USP6NL: variants seen among roughly 807,000 people sequenced by gnomAD.
The protein encoded by USP6NL is USP6 N-terminal-like protein.
Under a neutral mutation model 61.9 loss-of-function variants are expected in USP6NL, and 26 were observed. The ratio of observed to expected loss-of-function variants is 0.42; its 90% CI spans 0.31 to 0.58. The LOEUF (loss-of-function observed/expected upper bound fraction) is 0.58. Ranked by LOEUF, USP6NL falls within the 20% of genes least tolerant of loss-of-function variation. The pLI is 0.16. For missense variants in USP6NL, 1,114 were observed against 1,034.3 expected, an observed-to-expected ratio of 1.08 and a Z score of -1.06; for synonymous variants, 432 against 390.1, an observed-to-expected ratio of 1.11 and a Z score of -1.27.
Position 11,518,405 on chromosome 10 carries a change from G to A in USP6NL, c.195+130C>T, listed in dbSNP as rs1020036281. On this transcript the variant is annotated intron_variant, in intron 5 of 14. Coordinates refer to ENST00000609104, the MANE Select transcript of USP6NL (RefSeq NM_014688.5). The surrounding 1 kb of genome is among the most constrained non-coding windows in gnomAD (Gnocchi z 5.3). ...TATTATCTTACAGTGGCATAATGAG[G>A]TCCAAAATCTAACAATGACTGTACC... The A allele has an allele frequency of 2.0e-5, 16 of 803,796 alleles. No homozygotes were observed. Among genetic ancestry groups the A allele is most frequent in the Non-Finnish European group, 3.2e-5 (15 of 472,296 alleles). The allele number at this position is 803,796 out of a possible 1,614,324, so 49.8% of individuals were successfully genotyped here. A position where few individuals can be genotyped will look rare whatever the true frequency, so the allele number is the denominator to read the frequency against.
At chr10:11,588,419 T>G (rs1360692210) in intron 2 of USP6NL, among the ~76,000 whole-genome samples, 1 of 152,180 alleles carries the variant, frequency 6.6e-6, no homozygotes, top group Non-Finnish European at 1.5e-5. Context: ...GAGGTACATA[T>G]GGGAAAAGGA....
At position 11,589,966 on chromosome 10, in the gene USP6NL, G is replaced by A. The variant is rs899048965; in HGVS notation, c.4+7665C>T. On this transcript the variant is annotated intron_variant, in intron 2 of 14. Transcript: ENST00000609104. This position sits in a 1 kb window ranked among gnomAD's most constrained non-coding sequence, Gnocchi z 4.7. ...CTCTACTACCAACTGCCTGCACAAC[G>A]GCCATTATCTCTGAACATGAATAAG... Among the ~76,000 whole-genome samples the A allele has an allele frequency of 4.6e-5, 7 of 152,016 alleles. No homozygotes were observed. Among genetic ancestry groups the A allele is most frequent in the African/African-American group, 7.2e-5 (3 of 41,398 alleles).
At position 11,474,106 on chromosome 10, in the gene USP6NL, C is replaced by A. The variant is rs759614967; in HGVS notation, c.1078+7664G>T. ...CCCCAAGTTTACCTGGGAAAAAAGT[C>A]TTAATTCCTGAAGATCCAGAACTAA... On this transcript the variant is annotated intron_variant, in intron 14 of 14. Transcript: ENST00000609104. The surrounding 1 kb of genome is among the most constrained non-coding windows in gnomAD (Gnocchi z 4.9). Among the ~76,000 whole-genome samples the A allele has an allele frequency of 2.0e-5, 3 of 152,152 alleles. No individual in the cohort carries two copies. The highest frequency in any genetic ancestry group is 4.4e-5 in the Non-Finnish European group (3 of 68,020).
At chr10:11,477,076 T>C (rs761116484) in intron 14 of USP6NL, among the ~76,000 whole-genome samples, 21 of 152,264 alleles carry the variant, frequency 1.4e-4, no homozygotes, top group Non-Finnish European at 1.8e-4. Context: ...TTCATCACGT[T>C]GGCCAGCCTG....
Position 11,509,676 on chromosome 10 carries a change from C to A in USP6NL, c.196-1G>T. Reference sequence around the variant, plus strand: ...TTCTTTCAATTTCCAGGTGCTTTTGCTAAAATAAAATTGAAATTCATTGTT... The same window carrying A: ...TTCTTTCAATTTCCAGGTGCTTTTGATAAAATAAAATTGAAATTCATTGTT... On this transcript the variant is annotated splice_acceptor_variant, in intron 5 of 14. Coordinates refer to ENST00000609104, the MANE Select transcript of USP6NL (RefSeq NM_014688.5). LOFTEE classifies it high-confidence loss of function. 1 of 1,555,274 alleles carries A rather than the reference C, an allele frequency of 6.4e-7. No individual in the cohort carries two copies. The highest frequency in any genetic ancestry group is 2.0e-5 in the Admixed American group (1 of 50,888).
chr10:11,536,555 T>C (rs1353721045), intron 2 of USP6NL, among the ~76,000 whole-genome samples: 1 of 152,248 alleles, frequency 6.6e-6, no homozygotes, highest in Admixed American at 6.5e-5. Context: ...AACAGTCCCT[T>C]CTTTTTTCCT....
chr10:11,516,120 GT>G (rs1172586029), intron 5 of USP6NL, among the ~76,000 whole-genome samples: 1 of 152,110 alleles, frequency 6.6e-6, no homozygotes, highest in Non-Finnish European at 1.5e-5. Flanking sequence ...GTTTGTTTAT[GT>G]GCTTAAGTGC....
chr10:11,556,398 T>C (rs1041445206), intron 2 of USP6NL, among the ~76,000 whole-genome samples: 2 of 152,016 alleles, frequency 1.3e-5, no homozygotes, highest in African/African-American at 4.8e-5. Context: ...TGTAGAAAGA[T>C]AGAAACAGAA....
rs1194601017 is a variant in USP6NL, at chr10:11,597,409, A to G, written c.4+222T>C. Among the ~76,000 whole-genome samples the G allele has an allele frequency of 6.6e-6, 1 of 152,254 alleles. No individual in the cohort carries two copies. Among genetic ancestry groups the G allele is most frequent in the African/African-American group, 2.4e-5 (1 of 41,464 alleles). ...AACTAAATCAGCCAAAGAGCTAATG[A>G]CCAGATTTCCTCATCACATGAAACT... is the stretch of plus-strand genomic sequence containing the variant. On this transcript the variant is annotated intron_variant, in intron 2 of 14. Transcript: ENST00000609104. This position sits in a 1 kb window ranked among gnomAD's most constrained non-coding sequence, Gnocchi z 4.6.
At chr10:11,494,735 G>C (rs1428103479) in intron 7 of USP6NL, among the ~76,000 whole-genome samples, 1 of 152,194 alleles carries the variant, frequency 6.6e-6, no homozygotes, top group Non-Finnish European at 1.5e-5. Context: ...GGCAGAGAGA[G>C]AGAGGGAGAC....
intron 2 of USP6NL, among the ~76,000 whole-genome samples, chr10:11,554,325 A>G (rs759311787): frequency 1.2e-4 from 19 of 152,250 alleles, no homozygotes; most frequent in Non-Finnish European, 2.6e-4. Context: ...GTGAGAAATC[A>G]ACCCAAAATC....
chr10:11,587,877 A>G lies in USP6NL; in HGVS notation c.4+9754T>C, dbSNP rs1838029912. On this transcript the variant is annotated intron_variant, in intron 2 of 14. Transcript: ENST00000609104. The surrounding 1 kb of genome is among the most constrained non-coding windows in gnomAD (Gnocchi z 4.5). ...TTGTAATAAAAGTAAAATAGAAACT[A>G]GTAAAGCAGAACAATAAATCCTGTA... 6.6e-6 allele frequency among the ~76,000 whole-genome samples: 1 copy of G among 152,254 alleles called. No individual in the cohort carries two copies.
chr10:11,523,146 G>GA (rs1835276403), intron 4 of USP6NL, among the ~76,000 whole-genome samples: 1 of 152,234 alleles, frequency 6.6e-6, no homozygotes, highest in African/African-American at 2.4e-5. Flanking sequence ...CACAGACAGT[G>GA]AAAACATAAA....
intron 5 of USP6NL, among the ~76,000 whole-genome samples, chr10:11,512,415 A>C (rs1834759700): frequency 6.6e-6 from 1 of 152,130 alleles, no homozygotes; most frequent in African/African-American, 2.4e-5. Flanking sequence ...CAGAGTTCCT[A>C]GATGAAAACA....
chr10:11,608,015 G>A (rs1838763179), intron 1 of USP6NL, among the ~76,000 whole-genome samples: 1 of 152,146 alleles, frequency 6.6e-6, no homozygotes. Flanking sequence ...TGATCTTTCT[G>A]TAGGCAAACG....
In USP6NL at chr10:11,482,221, G is replaced by C. The variant is rs1489998650; in HGVS notation, c.926-299C>G. Among the ~76,000 whole-genome samples, 1 of 152,220 alleles carries C rather than the reference G, an allele frequency of 6.6e-6. No individual in the cohort carries two copies. The highest frequency in any genetic ancestry group is 6.5e-5 in the Admixed American group (1 of 15,280). On this transcript the variant is annotated intron_variant, in intron 13 of 14. Coordinates refer to ENST00000609104, the MANE Select transcript of USP6NL (RefSeq NM_014688.5). The surrounding 1 kb of genome is among the most constrained non-coding windows in gnomAD (Gnocchi z 4.0). ...AGGCATTAGTATTACCCCAGAGCAA[G>C]AGCTTCTTAGAGACAGACACAGAAA... is the stretch of plus-strand genomic sequence containing the variant.
intron 2 of USP6NL, among the ~76,000 whole-genome samples, chr10:11,569,856 T>G (rs1470815230): frequency 1.3e-5 from 2 of 152,174 alleles, no homozygotes; most frequent in African/African-American, 4.8e-5. Context: ...TGATCATGCT[T>G]CTTCTCGCCT....
chr10:11,463,976 G>A lies in USP6NL; in HGVS notation c.1079-127C>T. On this transcript the variant is annotated intron_variant, in intron 14 of 14. Coordinates refer to ENST00000609104, the MANE Select transcript of USP6NL (RefSeq NM_014688.5). This position sits in a 1 kb window ranked among gnomAD's most constrained non-coding sequence, Gnocchi z 6.3. ...GATACACGCTGACATACAACACACT[G>A]TCATACAACACACTGTTTATACCAC... is the stretch of plus-strand genomic sequence containing the variant. The A allele has an allele frequency of 1.1e-6, 1 of 887,612 alleles. No individual in the cohort carries two copies. The allele number at this position is 887,612 out of a possible 1,614,324, so 55.0% of individuals were successfully genotyped here. A position where few individuals can be genotyped will look rare whatever the true frequency, so the allele number is the denominator to read the frequency against.
chr10:11,557,640 G>T (rs977059733), intron 2 of USP6NL, among the ~76,000 whole-genome samples: 1 of 152,192 alleles, frequency 6.6e-6, no homozygotes, highest in African/African-American at 2.4e-5. Context: ...CTTATTAGGG[G>T]AGAACATTGA....
Sources: allele counts gnomAD v4.1 joint callset (sites outside exome capture counted in the v4.1 genomes callset), GRCh38; gene constraint gnomAD v4.1.1; non-coding constraint Gnocchi (gnomAD v3.1); transcripts MANE v1.5; gene names NCBI Gene and HGNC (gene_info 2026-07-23, HGNC 2026-07-21).